LIPC: variants seen among roughly 807,000 people sequenced by gnomAD.
LIPC encodes hepatic triacylglycerol lipase.
LIPC carries 44 observed loss-of-function variants against 50.7 expected under a neutral mutation model. The observed-to-expected ratio is 0.87, with a 90% CI of 0.68 to 1.11. The LOEUF is 1.11. Among genes scored for constraint, LIPC ranks in the 50% most tolerant of loss-of-function variants. The probability of loss-of-function intolerance (pLI) is 0.00; values close to 1 mark genes in which losing one functional copy is unlikely to be tolerated. For synonymous variants in LIPC, 271 were observed against 256.4 expected, an observed-to-expected ratio of 1.06 and a Z score of -0.54; for missense variants, 697 against 648.2, an observed-to-expected ratio of 1.08 and a Z score of -0.82.
chr15:58,441,125 G>C (rs996230700), intron 1 of LIPC, among the ~76,000 whole-genome samples: 1 of 152,200 alleles, frequency 6.6e-6, no homozygotes, highest in Non-Finnish European at 1.5e-5. Flanking sequence ...GGGCAGGGGT[G>C]GGGCCCAGCA....
chr15:58,548,580 T>C lies in LIPC; in HGVS notation c.1051+8T>C. The C allele has an allele frequency of 1.3e-6, 2 of 1,587,386 alleles. No homozygotes were observed. The highest frequency in any genetic ancestry group is 1.3e-5 in the African/African-American group (1 of 74,814). ...CCCAGTCCCCCTTCAAAGGTGAGTG[T>C]GGAGCTGGGGAGCCTTCAGAAGGGC... is the stretch of plus-strand genomic sequence containing the variant. On this transcript the variant is annotated splice_region_variant and intron_variant, in intron 6 of 8. Coordinates refer to ENST00000299022, the MANE Select transcript of LIPC (RefSeq NM_000236.3).
intron 1 of LIPC, among the ~76,000 whole-genome samples, chr15:58,486,819 A>T (rs553785938): frequency 1.3e-5 from 2 of 152,350 alleles, no homozygotes; most frequent in Admixed American, 1.3e-4. Context: ...CCCTTCACAG[A>T]TAGGTTTTAA....
chr15:58,484,286 G>A (rs1201264860), intron 1 of LIPC, among the ~76,000 whole-genome samples: 3 of 152,136 alleles, frequency 2.0e-5, no homozygotes, highest in Non-Finnish European at 4.4e-5. Flanking sequence ...CTGTGTGCTA[G>A]GCACCCTTCT....
intron 1 of LIPC, among the ~76,000 whole-genome samples, chr15:58,448,646 GCTAGGAGC>G (rs1893788944): frequency 6.6e-6 from 1 of 152,220 alleles, no homozygotes; most frequent in Non-Finnish European, 1.5e-5. Flanking sequence ...GCCAGGCCTG[GCTAGGAGC>G]TTCCCTGGAA....
At chr15:58,477,092 T>C (rs1891024856) in intron 1 of LIPC, among the ~76,000 whole-genome samples, 1 of 152,236 alleles carries the variant, frequency 6.6e-6, no homozygotes, top group African/African-American at 2.4e-5. Flanking sequence ...GCCACATTTT[T>C]CTTTTAAAGA....
At chr15:58,446,640 T>C (rs927163650) in intron 1 of LIPC, among the ~76,000 whole-genome samples, 17 of 152,090 alleles carry the variant, frequency 1.1e-4, no homozygotes, top group Admixed American at 9.8e-4. Flanking sequence ...CTTGCGGACC[T>C]CTCTCCCATG....
chr15:58,542,585 G>T lies in LIPC; in HGVS notation c.508G>T (p.Gly170Cys), dbSNP rs774356974. The T allele has an allele frequency of 1.2e-6, 2 of 1,613,838 alleles. No homozygotes were observed. Among genetic ancestry groups the T allele is most frequent in the South Asian group, 2.2e-5 (2 of 91,056 alleles). The change falls in exon 4 of 9, where the codon GGT (glycine) becomes TGT (cysteine). Residue 170 changes from glycine to cysteine, a missense_variant. Physicochemically the swap from Gly to Cys is radical, Grantham distance 159. Coordinates refer to ENST00000299022, the MANE Select transcript of LIPC (RefSeq NM_000236.3). ...TGTTCACCTAATTGGGTACAGCCTG[G>T]GTGCACACGTGTCAGGATTTGCCGG... ...SHVHLIGYSL[G>C]AHVSGFAGSS...
chr15:58,458,708 T>C (rs1894224481), intron 1 of LIPC, among the ~76,000 whole-genome samples: 1 of 152,188 alleles, frequency 6.6e-6, no homozygotes, highest in Admixed American at 6.5e-5. Flanking sequence ...TTCTCAGCCC[T>C]TGCCAGCAGA....
At chr15:58,566,360 C>T in intron 8 of LIPC, 1 of 985,476 alleles carries the variant, frequency 1.0e-6, no homozygotes, top group Non-Finnish European at 1.2e-6. Flanking sequence ...CCTAAACTCA[C>T]ATTTTAACTT....
At chr15:58,538,196 GT>G in intron 1 of LIPC, 136 bp from the exon 2 acceptor site, 1 of 879,942 alleles carries the variant, frequency 1.1e-6, no homozygotes, top group Non-Finnish European at 1.9e-6. Flanking sequence ...GCTCCCCACA[GT>G]TGTGGCTCAT....
chr15:58,489,433 T>A (rs773892614), intron 1 of LIPC, among the ~76,000 whole-genome samples: 2 of 152,118 alleles, frequency 1.3e-5, no homozygotes, highest in African/African-American at 2.4e-5. Context: ...TTAGGGTTTT[T>A]CAAGGATAGT....
At chr15:58,555,274 C>T (rs1383180042) in intron 6 of LIPC, among the ~76,000 whole-genome samples, 2 of 152,140 alleles carry the variant, frequency 1.3e-5, no homozygotes, top group Admixed American at 1.3e-4. Flanking sequence ...AACATTTTCC[C>T]CGGCTCAGGG....
intron 1 of LIPC, among the ~76,000 whole-genome samples, chr15:58,492,312 C>T (rs1041850562): frequency 2.0e-5 from 3 of 152,134 alleles, no homozygotes; most frequent in African/African-American, 7.2e-5. Flanking sequence ...GGTATTATTA[C>T]ATAGCTGTAG....
chr15:58,487,798 G>A (rs1891429150), intron 1 of LIPC, among the ~76,000 whole-genome samples: 1 of 152,200 alleles, frequency 6.6e-6, no homozygotes, highest in Admixed American at 6.5e-5. Flanking sequence ...ATTCAGCAGA[G>A]GTACTTGCAG....
intron 1 of LIPC, among the ~76,000 whole-genome samples, chr15:58,472,174 A>G (rs867357372): frequency 1.3e-4 from 19 of 150,762 alleles, no homozygotes; most frequent in African/African-American, 4.6e-4. Context: ...GGGAGGCTGA[A>G]GCAGGACAAT....
At chr15:58,455,057 A>C (rs796881255) in intron 1 of LIPC, 24 of 152,358 alleles carry the variant, frequency 1.6e-4, no homozygotes, top group African/African-American at 5.8e-4. Flanking sequence ...GATACACCAA[A>C]GTGAATCTCT....
At position 58,543,230 on chromosome 15, in the gene LIPC, C is replaced by T. The variant is rs530541438; in HGVS notation, c.574+579C>T. On this transcript the variant is annotated intron_variant, in intron 4 of 8. Coordinates refer to ENST00000299022, the MANE Select transcript of LIPC (RefSeq NM_000236.3). ...CCAGGCTTCCGTGACACCAACCCCA[C>T]CCTTCACACTGCCAGGCATTGGATC... Among the ~76,000 whole-genome samples the T allele has an allele frequency of 1.6e-4, 25 of 152,258 alleles. No homozygotes were observed. The South Asian group carries it at 5.0e-3, about 30-fold the overall frequency.
In LIPC at chr15:58,560,930, C is replaced by T. The variant is rs1894138833; in HGVS notation, c.1118C>T (p.Thr373Ile). ...QTETPIQTTF[T>I]MSLLGTKEKM... ...GAGACACCAATACAAACAACTTTTA[C>T]CATGTCACTACTCGGAACAAAAGAG... The change falls in exon 7 of 9, where the codon ACC becomes ATC. Residue 373 changes from threonine to isoleucine, a missense_variant. Transcript: ENST00000299022. The T allele has an allele frequency of 1.9e-6, 3 of 1,571,452 alleles. No individual in the cohort carries two copies. Among genetic ancestry groups the T allele is most frequent in the Non-Finnish European group, 2.6e-6 (3 of 1,140,950 alleles).
At chr15:58,475,378 C>G (rs1024576142) in intron 1 of LIPC, among the ~76,000 whole-genome samples, 1 of 152,214 alleles carries the variant, frequency 6.6e-6, no homozygotes, top group African/African-American at 2.4e-5. Context: ...GGCAGACAGC[C>G]CGGCCACCCA....
Sources: allele counts gnomAD v4.1 joint callset (sites outside exome capture counted in the v4.1 genomes callset), GRCh38; gene constraint gnomAD v4.1.1; transcripts MANE v1.5; gene names NCBI Gene and HGNC (gene_info 2026-07-23, HGNC 2026-07-21).